GPHN: variants seen among roughly 807,000 people sequenced by gnomAD.
The protein encoded by GPHN is gephyrin.
GPHN carries 17 observed loss-of-function variants against 95.5 expected under a neutral mutation model. The observed-to-expected ratio is 0.18, with a 90% CI of 0.12 to 0.27. The LOEUF (loss-of-function observed/expected upper bound fraction) is 0.27. GPHN is among the 10% of genes least tolerant of loss of function. The probability of loss-of-function intolerance (pLI) is 1.00; values close to 1 mark genes in which losing one functional copy is unlikely to be tolerated. For missense variants in GPHN, 660 were observed against 978.1 expected, an observed-to-expected ratio of 0.67 and a Z score of 4.34; for synonymous variants, 320 against 322.5, an observed-to-expected ratio of 0.99 and a Z score of 0.08.
the GPHN span, chr14:67,317,399 G>C: frequency 3.9e-5 from 62 of 1,606,096 alleles, no homozygotes; most frequent in Non-Finnish European, 4.7e-5. Context: ...GTTTATGATT[G>C]CTCAACAGGA....
the GPHN span, among the ~76,000 whole-genome samples, chr14:67,715,709 T>C: frequency 6.6e-6 from 1 of 152,232 alleles, no homozygotes; most frequent in Non-Finnish European, 1.5e-5. Context: ...GGAATCCAAA[T>C]TTTGCAATAC....
At chr14:66,649,666 A>T (rs900356030) in intron 1 of GPHN, among the ~76,000 whole-genome samples, 1 of 152,170 alleles carries the variant, frequency 6.6e-6, no homozygotes, top group Non-Finnish European at 1.5e-5. Flanking sequence ...GCGCTGGGGA[A>T]CAGCTGCAAA....
At chr14:66,949,154 C>CA (rs2067938877) in intron 8 of GPHN, among the ~76,000 whole-genome samples, 1 of 152,160 alleles carries the variant, frequency 6.6e-6, no homozygotes. Context: ...GGCACAATCT[C>CA]ACCTCACGCA....
chr14:67,230,292 A>G, the GPHN span, among the ~76,000 whole-genome samples: 1 of 152,190 alleles, frequency 6.6e-6, no homozygotes, highest in Non-Finnish European at 1.5e-5. Context: ...GTTAAGACAT[A>G]TGATCAGCTG....
the GPHN span, chr14:67,600,266 C>T: frequency 2.9e-6 from 4 of 1,372,946 alleles, no homozygotes; most frequent in Middle Eastern, 1.9e-4. Flanking sequence ...CCCTGGCCGT[C>T]TCGCCCGCTC....
At chr14:67,562,424 C>T in the GPHN span, 2 of 1,613,760 alleles carry the variant, frequency 1.2e-6, no homozygotes, top group Non-Finnish European at 1.7e-6. Flanking sequence ...AGAGAGCCCT[C>T]CCCACCAGCC....
chr14:66,734,872 T>C (rs2072117137), intron 2 of GPHN, among the ~76,000 whole-genome samples: 2 of 152,210 alleles, frequency 1.3e-5, no homozygotes, highest in African/African-American at 4.8e-5. Flanking sequence ...TAAGGACTCA[T>C]ACACACTTAT....
At chr14:66,867,626 TG>T (rs1309442783) in intron 4 of GPHN, among the ~76,000 whole-genome samples, 3 of 151,966 alleles carry the variant, frequency 2.0e-5, no homozygotes, top group Non-Finnish European at 4.4e-5. Flanking sequence ...TTTTTAAAAA[TG>T]TAAAATGAAA....
At chr14:66,644,426 T>C (rs924588595) in intron 1 of GPHN, among the ~76,000 whole-genome samples, 5 of 152,074 alleles carry the variant, frequency 3.3e-5, no homozygotes, top group Admixed American at 6.6e-5. Context: ...TAAACCTTTA[T>C]CTATGCCACC....
At chr14:67,643,880 AAAG>A in the GPHN span, among the ~76,000 whole-genome samples, 50 of 148,740 alleles carry the variant, frequency 3.4e-4, no homozygotes, top group Admixed American at 1.3e-3. Flanking sequence ...AAAAAAAAAA[AAAG>A]ACTCAGGTTG....
chr14:67,334,067 T>C, the GPHN span: 2 of 152,540 alleles, frequency 1.3e-5, no homozygotes, highest in Non-Finnish European at 2.9e-5. Flanking sequence ...TTGGGAAATA[T>C]TATGACAGTT....
chr14:67,332,982 TG>T, the GPHN span: 3 of 1,586,670 alleles, frequency 1.9e-6, no homozygotes, highest in Non-Finnish European at 2.6e-6. Context: ...TGTGGCATGT[TG>T]GACTTGATCT....
the GPHN span, chr14:67,727,148 G>T: frequency 6.2e-7 from 1 of 1,614,050 alleles, no homozygotes; most frequent in Admixed American, 1.7e-5. Flanking sequence ...CAGCAAGCTG[G>T]CCAATGTGCT....
At chr14:67,593,750 A>G in the GPHN span, 2 of 1,601,472 alleles carry the variant, frequency 1.2e-6, no homozygotes, top group South Asian at 1.1e-5. Context: ...TACCATGTAA[A>G]TGGCCTCATT....
chr14:66,711,551 T>C (rs1180000809), intron 2 of GPHN, among the ~76,000 whole-genome samples: 1 of 151,910 alleles, frequency 6.6e-6, no homozygotes, highest in Non-Finnish European at 1.5e-5. Flanking sequence ...TCTGGGTAGA[T>C]ACCCAGTAGT....
chr14:67,335,329 C>T, the GPHN span: 1 of 152,200 alleles, frequency 6.6e-6, no homozygotes, highest in Non-Finnish European at 1.5e-5. Flanking sequence ...AGTTGTACAG[C>T]CACTCTGGCC....
At position 67,149,690 on chromosome 14, in the gene GPHN, C is replaced by A. The variant is rs111370425; in HGVS notation, c.1836+6241C>A. 7.9e-5 allele frequency among the ~76,000 whole-genome samples: 12 copies of A among 152,224 alleles called. 2 individuals carry two copies. Among genetic ancestry groups the A allele is most frequent in the African/African-American group, 2.9e-4 (12 of 41,546 alleles). On this transcript the variant is annotated intron_variant, in intron 18 of 22. Coordinates refer to ENST00000478722, the MANE Select transcript of GPHN (RefSeq NM_020806.5). ...TTAATTATGATGTTTAAGAAAATAA[C>A]TAATATCTGTGTCATAGAGAAAACT...
chr14:67,351,577 T>C, the GPHN span, among the ~76,000 whole-genome samples: 65 of 152,182 alleles, frequency 4.3e-4, no homozygotes, highest in Non-Finnish European at 8.2e-4. Context: ...GGTGTAATCA[T>C]AGCTCACTGC....
Position 67,102,209 on chromosome 14 carries a change from A to C in GPHN, c.1293+1298A>C, listed in dbSNP as rs1595142216. On this transcript the variant is annotated intron_variant, in intron 13 of 22. Coordinates refer to ENST00000478722, the MANE Select transcript of GPHN (RefSeq NM_020806.5). Reference sequence around the variant, plus strand: ...TGTTTAAGAGGAAATAGCATCTGTCAATCCGGTGAGTTACGAAGGTTGATC... The same window carrying C: ...TGTTTAAGAGGAAATAGCATCTGTCCATCCGGTGAGTTACGAAGGTTGATC... 2.0e-5 allele frequency among the ~76,000 whole-genome samples: 3 copies of C among 152,000 alleles called. No individual in the cohort carries two copies. In the East Asian group the frequency reaches 5.8e-4, roughly 29 times the overall value.
Sources: gnomAD v4.1 joint callset for allele counts (sites outside exome capture counted in the v4.1 genomes callset) on GRCh38, gnomAD v4.1.1 for gene constraint, MANE v1.5 for transcripts, NCBI Gene and HGNC (gene_info 2026-07-23, HGNC 2026-07-21) for gene names.